Variants in LRRC37A2 observed in about 807,000 individuals in gnomAD.
LRRC37A2 encodes leucine rich repeat containing 37 member A2, also known as leucine-rich repeat-containing protein 37A2.
In LRRC37A2, 9 loss-of-function variants were observed where a neutral mutation model predicts 68.8. The observed-to-expected ratio is 0.13, with a 90% CI of 0.08 to 0.23. The LOEUF (loss-of-function observed/expected upper bound fraction) is 0.23. LRRC37A2 is among the 10% of genes least tolerant of loss of function. The pLI, the probability that LRRC37A2 is intolerant of heterozygous loss-of-function variation, is 1.00. For synonymous variants in LRRC37A2, 63 were observed against 367.6 expected (o/e 0.17, Z 9.48); for missense variants, 168 against 950.4 (o/e 0.18, Z 10.82).
At chr17:46,681,525 G>T in the LRRC37A2 span, among the ~76,000 whole-genome samples, 19 of 149,510 alleles carry the variant, frequency 1.3e-4, no homozygotes. Flanking sequence ...TACATAGATC[G>T]ACATGAATAA....
chr17:46,979,436 C>T, the LRRC37A2 span, among the ~76,000 whole-genome samples: 1 of 152,198 alleles, frequency 6.6e-6, no homozygotes, highest in South Asian at 2.1e-4. Context: ...GTCCGCGGGC[C>T]GGCGAAACTC....
chr17:46,874,898 C>T, the LRRC37A2 span: 3 of 781,074 alleles, frequency 3.8e-6, no homozygotes, highest in East Asian at 2.6e-5. Context: ...ATTTAAATGG[C>T]AACTTGCAGT....
chr17:46,760,480 A>T, the LRRC37A2 span, among the ~76,000 whole-genome samples: 2 of 150,988 alleles, frequency 1.3e-5, no homozygotes, highest in East Asian at 1.9e-4. Context: ...AAAAAAAATT[A>T]AAAAATTAGC....
At chr17:46,779,103 A>ACCCCCC in the LRRC37A2 span, among the ~76,000 whole-genome samples, 58 of 133,662 alleles carry the variant, frequency 4.3e-4, 3 homozygotes, top group East Asian at 5.9e-3. Context: ...ACACACACAC[A>ACCCCCC]CCCCAGCCCA....
chr17:46,877,659 G>C, the LRRC37A2 span, among the ~76,000 whole-genome samples: 1 of 152,188 alleles, frequency 6.6e-6, no homozygotes, highest in East Asian at 1.9e-4. Context: ...TTCTCAGCTG[G>C]CTCTTGAGTG....
the LRRC37A2 span, chr17:46,922,830 AGAG>A: frequency 6.5e-6 from 2 of 305,716 alleles, no homozygotes; most frequent in Non-Finnish European, 1.2e-5. Flanking sequence ...TCTCTGCGGC[AGAG>A]AACAGCAGAT....
At chr17:46,922,136 T>C in the LRRC37A2 span, among the ~76,000 whole-genome samples, 2 of 152,200 alleles carry the variant, frequency 1.3e-5, no homozygotes, top group Non-Finnish European at 2.9e-5. Context: ...ATATACACCA[T>C]GGAATACTAT....
the LRRC37A2 span, among the ~76,000 whole-genome samples, chr17:46,494,323 T>C: frequency 2.0e-5 from 3 of 148,954 alleles, no homozygotes; most frequent in Non-Finnish European, 4.4e-5. Context: ...CCACATTTTT[T>C]CTTTTACACA....
At chr17:46,907,673 A>C in the LRRC37A2 span, among the ~76,000 whole-genome samples, 1 of 92,900 alleles carries the variant, frequency 1.1e-5, no homozygotes, top group African/African-American at 4.0e-5. Context: ...CTCCATCTCT[A>C]CAAAAAAAAA....
the LRRC37A2 span, among the ~76,000 whole-genome samples, chr17:46,993,100 A>AT: frequency 3.5e-5 from 5 of 143,234 alleles, no homozygotes; most frequent in African/African-American, 1.3e-4. Context: ...GCTTATCTGT[A>AT]TTTTTTAGAT....
the LRRC37A2 span, chr17:46,932,812 C>T: frequency 6.3e-6 from 1 of 158,916 alleles, no homozygotes; most frequent in African/African-American, 2.4e-5. Context: ...GGCTGTAGAA[C>T]ATACTGGCCT....
chr17:46,814,578 A>ATCTGTCTG, the LRRC37A2 span, among the ~76,000 whole-genome samples: 289 of 152,218 alleles, frequency 1.9e-3, no homozygotes, highest in Non-Finnish European at 2.4e-3. Context: ...GTATCTGCCC[A>ATCTGTCTG]TCTGTCTGTC....
the LRRC37A2 span, among the ~76,000 whole-genome samples, chr17:46,467,538 A>G: frequency 9.7e-6 from 1 of 103,288 alleles, no homozygotes; most frequent in East Asian, 2.4e-4. Context: ...CTACATAGGT[A>G]ACTTTGGTGC....
the LRRC37A2 span, among the ~76,000 whole-genome samples, chr17:46,811,450 T>G: frequency 3.9e-5 from 6 of 152,308 alleles, no homozygotes. Flanking sequence ...AGAACCGTTG[T>G]GCACCTGGGG....
At chr17:47,018,476 G>A in the LRRC37A2 span, 1 of 1,530,340 alleles carries the variant, frequency 6.5e-7, no homozygotes, top group Non-Finnish European at 9.0e-7. Context: ...CTAGTGCAGA[G>A]GTGGGAAATT....
At chr17:46,638,638 A>G in the LRRC37A2 span, among the ~76,000 whole-genome samples, 1 of 137,812 alleles carries the variant, frequency 7.3e-6, no homozygotes, top group South Asian at 2.4e-4. Flanking sequence ...TGACCTCCCA[A>G]AGTGCTGAGA....
the LRRC37A2 span, chr17:46,876,195 G>T: frequency 6.2e-5 from 94 of 1,514,916 alleles, no homozygotes; most frequent in Non-Finnish European, 8.3e-5. Flanking sequence ...GCAGGCTCTG[G>T]CTGCTGGGCC....
chr17:46,922,374 C>T, the LRRC37A2 span, among the ~76,000 whole-genome samples: 1 of 152,042 alleles, frequency 6.6e-6, no homozygotes, highest in Non-Finnish European at 1.5e-5. Flanking sequence ...AGGAGATATA[C>T]CTAATGTAAA....
At chr17:46,951,702 C>T in the LRRC37A2 span, among the ~76,000 whole-genome samples, 2 of 152,246 alleles carry the variant, frequency 1.3e-5, no homozygotes. Context: ...GACAGGGTTG[C>T]CCCAAAGTCA....
Sources: allele counts gnomAD v4.1 joint callset (sites outside exome capture counted in the v4.1 genomes callset), GRCh38; gene constraint gnomAD v4.1.1; transcripts MANE v1.5; gene names NCBI Gene and HGNC (gene_info 2026-07-23, HGNC 2026-07-21).